ABCC3: variants seen among roughly 807,000 people sequenced by gnomAD.
ABCC3 encodes the protein ATP binding cassette subfamily C member 3.
In ABCC3, 121 loss-of-function variants were observed where a neutral mutation model predicts 165.3. The ratio of observed to expected loss-of-function variants is 0.73; its 90% CI spans 0.63 to 0.85. ABCC3 has a LOEUF of 0.85. ABCC3 is among the 40% of genes least tolerant of loss of function. ABCC3 has a pLI of 0.00. For synonymous variants in ABCC3, 733 were observed against 810.1 expected (o/e 0.90, Z 1.62); for missense variants, 1,869 against 1,964.1 (o/e 0.95, Z 0.92).
intron 1 of ABCC3, among the ~76,000 whole-genome samples, chr17:50,655,406 A>AAAG (rs1967209387): frequency 7.1e-6 from 1 of 141,022 alleles, no homozygotes; most frequent in Admixed American, 6.9e-5. Flanking sequence ...CTCTGTCTCA[A>AAAG]AAAAAAAAAA....
chr17:50,651,066 G>GAAAAAAAA (rs57837230), intron 1 of ABCC3, among the ~76,000 whole-genome samples: 15,251 of 83,470 alleles, frequency 0.18, 1,840 homozygotes, highest in Non-Finnish European at 0.21. Flanking sequence ...CTCCATCTCA[G>GAAAAAAAA]AAAAAAAAAA....
intron 23 of ABCC3, among the ~76,000 whole-genome samples, chr17:50,676,886 TGG>T (rs3063105): frequency 0.071 from 8,021 of 113,444 alleles, 736 homozygotes; most frequent in African/African-American, 0.21. Context: ...TTTTTTTTTT[TGG>T]GGGGGGGGGG....
At chr17:50,674,034 C>T (rs12940921) in intron 19 of ABCC3, among the ~76,000 whole-genome samples, 3,087 of 4,496 alleles carry the variant, frequency 0.69, 1,329 homozygotes, top group South Asian at 0.83. Context: ...CTCTCTCTCT[C>T]TCTTTCTTTC....
At chr17:50,645,606 A>G (rs1966990339) in intron 1 of ABCC3, among the ~76,000 whole-genome samples, 1 of 148,676 alleles carries the variant, frequency 6.7e-6, no homozygotes, top group Non-Finnish European at 1.5e-5. Flanking sequence ...GTGTGTGTGT[A>G]TTTTTTTTTT....
At chr17:50,663,381 C>T (rs1967437535) in intron 8 of ABCC3, 1 of 404,364 alleles carries the variant, frequency 2.5e-6, no homozygotes, top group African/African-American at 2.0e-5. Flanking sequence ...GGCATTTCTT[C>T]CCGCCATATG....
At chr17:50,635,882 C>A in intron 1 of ABCC3, 1 of 322,998 alleles carries the variant, frequency 3.1e-6, no homozygotes, top group Non-Finnish European at 5.7e-6. Context: ...GACCCTGTCT[C>A]TAAAAAAATA....
chr17:50,643,845 A>G (rs1966935635), intron 1 of ABCC3, among the ~76,000 whole-genome samples: 1 of 146,256 alleles, frequency 6.8e-6, no homozygotes, highest in East Asian at 2.1e-4. Context: ...AGGAGATGCC[A>G]TGGGGGGGGT....
chr17:50,679,900 G>T lies in ABCC3; in HGVS notation c.3807+1G>T. On this transcript the variant is annotated splice_donor_variant, in intron 26 of 30. Coordinates refer to ENST00000285238, the MANE Select transcript of ABCC3 (RefSeq NM_003786.4). LOFTEE classifies it high-confidence loss of function. ...GGAGTACTCCAAGACAGAGACAGAG[G>T]TGGGTACTGGCATGAGCCCGGGACA... 2.5e-6 allele frequency: 4 copies of T among 1,612,840 alleles called. No homozygotes were observed. Among genetic ancestry groups the T allele is most frequent in the Non-Finnish European group, 3.4e-6 (4 of 1,178,886 alleles).
intron 24 of ABCC3, 59 bp downstream of exon 24, chr17:50,678,002 T>C (rs1160612463): frequency 1.2e-6 from 2 of 1,613,826 alleles, no homozygotes; most frequent in African/African-American, 1.3e-5. Context: ...GGCTCTCTGG[T>C]GTTCAGGGTC....
intron 26 of ABCC3, among the ~76,000 whole-genome samples, chr17:50,680,319 A>G (rs1967905916): frequency 6.6e-6 from 1 of 152,190 alleles, no homozygotes; most frequent in Non-Finnish European, 1.5e-5. Context: ...CATTCCAGCC[A>G]AAGAGACCAG....
chr17:50,677,445 G>A (rs1459596456), intron 23 of ABCC3, among the ~76,000 whole-genome samples: 1 of 152,154 alleles, frequency 6.6e-6, no homozygotes, highest in Non-Finnish European at 1.5e-5. Flanking sequence ...TGGGCTAGGG[G>A]AGAATCAGAT....
chr17:50,642,492 C>T (rs1350847421), intron 1 of ABCC3, among the ~76,000 whole-genome samples: 1 of 152,244 alleles, frequency 6.6e-6, no homozygotes, highest in Non-Finnish European at 1.5e-5. Context: ...AAACACGGGC[C>T]TGACAGCTGG....
At position 50,669,192 on chromosome 17, in the gene ABCC3, G is replaced by A. The variant is rs759301256; in HGVS notation, c.1990G>A (p.Gly664Ser). 1 of 1,609,916 alleles carries A rather than the reference G, an allele frequency of 6.2e-7. No individual in the cohort carries two copies. Among genetic ancestry groups the A allele is most frequent in the Non-Finnish European group, 8.5e-7 (1 of 1,178,892 alleles). The change falls in exon 16 of 31, where the codon GGC becomes AGC. Residue 664 changes from glycine (G) to serine (S), a missense_variant. Transcript: ENST00000285238. The stretch of plus-strand genomic sequence containing the variant: ...ACTGGTGGCCGTGGTGGGGCCTGTG[G>A]GCTGTGGGAAGTCCTCCCTGGTGTC... ...GALVAVVGPVGCGKSSLVSAL... is the reference protein window; with the variant it reads ...GALVAVVGPVSCGKSSLVSAL...
rs764025904 is a variant in ABCC3 at position 50,663,804 on chromosome 17, C to A, written c.1122C>A (p.Ile374=). ...SLILQHYYHY[I]FVTGVKFRTG... ...TCTTACAACACTATTACCACTACAT[C>A]TTTGTGACTGGGGTGAAGTTTCGTA... The change falls in exon 9 of 31, where the codon ATC becomes ATA. Residue 374 remains isoleucine, a synonymous_variant. Transcript: ENST00000285238. 36 of 1,614,186 alleles carry A rather than the reference C, an allele frequency of 2.2e-5. No homozygotes were observed. The highest frequency in any genetic ancestry group is 3.0e-5 in the Non-Finnish European group (35 of 1,180,044).
chr17:50,676,626 T>C, intron 23 of ABCC3, 38 bp downstream of exon 23: 2 of 1,556,696 alleles, frequency 1.3e-6, no homozygotes, highest in Middle Eastern at 1.7e-4. Flanking sequence ...GGCGTGGTGT[T>C]ATTGGGGCGG....
intron 1 of ABCC3, chr17:50,635,195 T>A: frequency 1.6e-6 from 1 of 627,222 alleles, no homozygotes; most frequent in African/African-American, 1.8e-5. Flanking sequence ...CCTGCCCTGC[T>A]CTGCCCTTCC....
At chr17:50,640,500 TTTTG>T (rs534600432) in intron 1 of ABCC3, among the ~76,000 whole-genome samples, 59 of 152,210 alleles carry the variant, frequency 3.9e-4, no homozygotes, top group Non-Finnish European at 7.5e-4. Flanking sequence ...CACAACCAGT[TTTTG>T]TTTGTTTGTT....
intron 30 of ABCC3, 110 bp from the exon 31 acceptor site, chr17:50,690,981 TG>T: frequency 1.4e-6 from 1 of 737,494 alleles, no homozygotes; most frequent in Non-Finnish European, 2.3e-6. Flanking sequence ...CTGTGTTGGG[TG>T]GGTTGGCATG....
Position 50,667,925 on chromosome 17 carries a change from G to T in ABCC3, c.1698G>T (p.Glu566Asp). The T allele has an allele frequency of 6.2e-7, 1 of 1,614,222 alleles. No homozygotes were observed. Among genetic ancestry groups the T allele is most frequent in the Non-Finnish European group, 8.5e-7 (1 of 1,180,030 alleles). The stretch of plus-strand genomic sequence containing the variant: ...ACCCAAACAATGTGCTGGACGCCGA[G>T]AAGGCCTTTGTGTCTGTGTCCTTGT... ...YVDPNNVLDA[E>D]KAFVSVSLFN... Residue 566 changes from glutamate to aspartate, a missense_variant, in exon 13 of 31, where the codon GAG becomes GAT. Coordinates refer to ENST00000285238, the MANE Select transcript of ABCC3 (RefSeq NM_003786.4).
Sources: gnomAD v4.1 joint callset for allele counts (sites outside exome capture counted in the v4.1 genomes callset) on GRCh38, gnomAD v4.1.1 for gene constraint, MANE v1.5 for transcripts, NCBI Gene and HGNC (gene_info 2026-07-23, HGNC 2026-07-21) for gene names.